The following XKR4 variants were observed in gnomAD, a reference collection of about 807,000 sequenced individuals.
XKR4 encodes the protein XK-related protein 4.
In XKR4, 12 loss-of-function variants were observed where a neutral mutation model predicts 53.9. The ratio of observed to expected loss-of-function variants is 0.22; its 90% confidence interval spans 0.14 to 0.36. The LOEUF (loss-of-function observed/expected upper bound fraction) is 0.36, where lower values mean the gene tolerates loss of function less well. Ranked by LOEUF, XKR4 falls within the 10% of genes least tolerant of loss-of-function variation. The probability of loss-of-function intolerance (pLI) is 1.00; values close to 1 mark genes in which losing one functional copy is unlikely to be tolerated. For missense variants in XKR4, 799 were observed against 859.5 expected, an observed-to-expected ratio of 0.93 and a Z score of 0.88; for synonymous variants, 354 against 362.4, an observed-to-expected ratio of 0.98 and a Z score of 0.26.
intron 1 of XKR4, among the ~76,000 whole-genome samples, chr8:55,104,864 A>C (rs1197558705): frequency 6.6e-6 from 1 of 152,204 alleles, no homozygotes; most frequent in African/African-American, 2.4e-5. Flanking sequence ...TTCAAGTATG[A>C]TGAAGGACTT....
chr8:55,327,707 A>G (rs1803314846), intron 1 of XKR4, among the ~76,000 whole-genome samples: 1 of 152,226 alleles, frequency 6.6e-6, no homozygotes, highest in South Asian at 2.1e-4. Flanking sequence ...CTTAATGTTA[A>G]TTAACATTCT....
intron 2 of XKR4, chr8:55,453,106 T>A: frequency 3.7e-6 from 2 of 545,186 alleles, no homozygotes; most frequent in Non-Finnish European, 7.3e-6. Flanking sequence ...GACCCAGATA[T>A]GAGTCTGCAT....
At chr8:55,261,807 G>A (rs4481574) in intron 1 of XKR4, among the ~76,000 whole-genome samples, 126,894 of 152,044 alleles carry the variant, frequency 0.83, 53,912 homozygotes, top group Non-Finnish European at 0.93. Context: ...TTAATAGATC[G>A]AAGTGTTACT....
chr8:55,498,500 C>T (rs1232385322), intron 2 of XKR4, among the ~76,000 whole-genome samples: 1 of 152,176 alleles, frequency 6.6e-6, no homozygotes, highest in Non-Finnish European at 1.5e-5. Flanking sequence ...TGATGCAGGG[C>T]CGGGCACAGT....
In XKR4 at chr8:55,113,531, G is replaced by T. The variant is rs76788135; in HGVS notation, c.806+10237G>T. Among the ~76,000 whole-genome samples, 346 of 152,248 alleles carry T rather than the reference G, an allele frequency of 2.3e-3. 9 individuals carry two copies. In the East Asian group the frequency reaches 0.056, roughly 25 times the overall value. On this transcript the variant is annotated intron_variant, in intron 1 of 2. Transcript: ENST00000327381. ...TCCAGGGGCAAAGAAAGAAAAACTT[G>T]AGTTGTGATAATGGTCAGGTTTATG...
intron 2 of XKR4, among the ~76,000 whole-genome samples, chr8:55,498,738 A>C (rs141518178): frequency 6.6e-4 from 100 of 152,168 alleles, no homozygotes; most frequent in African/African-American, 2.3e-3. Context: ...CTGCCACTGC[A>C]CTCCACCCTG....
At chr8:55,300,613 A>G (rs777136918) in intron 1 of XKR4, among the ~76,000 whole-genome samples, 2 of 152,074 alleles carry the variant, frequency 1.3e-5, no homozygotes, top group Admixed American at 1.3e-4. Context: ...GGAGGATGGA[A>G]ATGAGGGTAG....
At chr8:55,231,856 C>A (rs1170232465) in intron 1 of XKR4, among the ~76,000 whole-genome samples, 1 of 152,090 alleles carries the variant, frequency 6.6e-6, no homozygotes, top group East Asian at 1.9e-4. Flanking sequence ...GGAGAGATTC[C>A]CTACCACTCT....
At chr8:55,464,259 A>C (rs990133474) in intron 2 of XKR4, among the ~76,000 whole-genome samples, 3 of 152,158 alleles carry the variant, frequency 2.0e-5, no homozygotes, top group Non-Finnish European at 4.4e-5. Context: ...CCAGCAACAC[A>C]TCAAAAAGCT....
intron 1 of XKR4, among the ~76,000 whole-genome samples, chr8:55,139,776 A>G (rs951483542): frequency 6.6e-6 from 1 of 152,128 alleles, no homozygotes; most frequent in Non-Finnish European, 1.5e-5. Flanking sequence ...TGCTGCCTCA[A>G]AAGGTTTGTG....
intron 2 of XKR4, among the ~76,000 whole-genome samples, chr8:55,422,005 A>C (rs984513288): frequency 2.6e-5 from 4 of 152,232 alleles, no homozygotes. Context: ...TGTATGTATT[A>C]ATGTCCCATG....
At chr8:55,517,614 A>C (rs1459215824) in intron 2 of XKR4, 1 of 152,190 alleles carries the variant, frequency 6.6e-6, no homozygotes, top group Non-Finnish European at 1.5e-5. Context: ...CTGTGGGAAG[A>C]GAATGCGGCT....
chr8:55,451,141 A>G, intron 2 of XKR4: 1 of 516,930 alleles, frequency 1.9e-6, no homozygotes, highest in Non-Finnish European at 3.5e-6. Flanking sequence ...TGCTGTGGCC[A>G]CAGGAAGCCC....
At chr8:55,346,707 G>GTGTGTGTGTA (rs1803649664) in intron 1 of XKR4, among the ~76,000 whole-genome samples, 1 of 150,490 alleles carries the variant, frequency 6.6e-6, no homozygotes, top group Admixed American at 6.6e-5. Flanking sequence ...GTGTGTGTGT[G>GTGTGTGTGTA]TGTGTGTGTG....
intron 1 of XKR4, among the ~76,000 whole-genome samples, chr8:55,305,250 T>G (rs1586000206): frequency 6.6e-6 from 1 of 152,174 alleles, no homozygotes; most frequent in East Asian, 1.9e-4. Flanking sequence ...GCTACTATAT[T>G]GGGCAGGTCC....
chr8:55,395,445 C>T (rs1381224493), intron 2 of XKR4, among the ~76,000 whole-genome samples: 1 of 151,890 alleles, frequency 6.6e-6, no homozygotes, highest in Non-Finnish European at 1.5e-5. Flanking sequence ...AGTCATGTGG[C>T]GTCATGAGAG....
intron 2 of XKR4, among the ~76,000 whole-genome samples, chr8:55,400,527 G>A (rs1026657505): frequency 6.6e-6 from 1 of 152,166 alleles, no homozygotes; most frequent in Non-Finnish European, 1.5e-5. Context: ...CACACAGTGA[G>A]AGGAGGAATC....
chr8:55,541,589 T>C lies in XKR4; in HGVS notation c.*17362T>C, dbSNP rs1450999332. ...TAAGGTCCGAGAGACCCCACGAGTG[T>C]GCGTAGGGAACGGTGTAGACATTTC... On this transcript the variant is annotated 3_prime_UTR_variant, in exon 3 of 3. Transcript: ENST00000327381. 6.6e-6 allele frequency: 1 copy of C among 152,146 alleles called. No individual in the cohort carries two copies. Among genetic ancestry groups the C allele is most frequent in the Non-Finnish European group, 1.5e-5 (1 of 68,052 alleles). 9.4% of individuals were successfully genotyped at this position (152,146 alleles called of 1,614,324 possible).
intron 2 of XKR4, among the ~76,000 whole-genome samples, chr8:55,446,168 A>G (rs1242093164): frequency 6.6e-6 from 1 of 151,610 alleles, no homozygotes; most frequent in Non-Finnish European, 1.5e-5. Flanking sequence ...GGCAGAAAAA[A>G]TCTATGCTGA....
Sources: allele counts gnomAD v4.1 joint callset (sites outside exome capture counted in the v4.1 genomes callset), GRCh38; gene constraint gnomAD v4.1.1; transcripts MANE v1.5; gene names NCBI Gene and HGNC (gene_info 2026-07-23, HGNC 2026-07-21).